TCP1: variants seen among roughly 807,000 people sequenced by gnomAD.
TCP1 encodes T-complex protein 1 subunit alpha.
TCP1 carries 6 observed loss-of-function variants against 54.7 expected under a neutral mutation model. That is an observed-to-expected ratio of 0.11 (90% CI 0.06 to 0.22). TCP1 has a LOEUF of 0.22. Ranked by LOEUF, TCP1 falls within the 10% of genes least tolerant of loss-of-function variation. The probability of loss-of-function intolerance (pLI) is 1.00; values close to 1 mark genes in which losing one functional copy is unlikely to be tolerated. For synonymous variants in TCP1, 225 were observed against 229.7 expected (o/e 0.98, Z 0.19); for missense variants, 511 against 678.2 (o/e 0.75, Z 2.74).
chr6:159,778,610 A>G lies in TCP1; in HGVS notation c.*435T>C. The G allele has an allele frequency of 6.3e-7, 1 of 1,585,912 alleles. No individual in the cohort carries two copies. The highest frequency in any genetic ancestry group is 1.1e-5 in the South Asian group (1 of 88,950). On this transcript the variant is annotated 3_prime_UTR_variant, in exon 12 of 12. Coordinates refer to ENST00000321394, the MANE Select transcript of TCP1 (RefSeq NM_030752.3). ...GAAAAAGACAAGTTTAAGATTTTAA[A>G]CTGTGTCCACAGAAGAATAAACAAT...
At chr6:159,788,618 T>C (rs62621403) in intron 1 of TCP1, 4,139 of 156,658 alleles carry the variant, frequency 0.026, 139 homozygotes, top group Middle Eastern at 0.078. Context: ...ACCAATTTCA[T>C]GCTCTGCCAC....
intron 6 of TCP1, among the ~76,000 whole-genome samples, chr6:159,784,300 ATTT>A (rs1272590045): frequency 1.4e-5 from 2 of 147,120 alleles, no homozygotes; most frequent in Admixed American, 6.8e-5. Context: ...ACAAAAAAAC[ATTT>A]TTTATTTTTT....
chr6:159,780,364 C>G lies in TCP1; in HGVS notation c.1097+79G>C, dbSNP rs775018172. The G allele has an allele frequency of 3.1e-5, 49 of 1,599,898 alleles. No homozygotes were observed. The East Asian group carries it at 3.3e-4, about 11-fold the overall frequency. On this transcript the variant is annotated intron_variant, in intron 9 of 11. Coordinates refer to ENST00000321394, the MANE Select transcript of TCP1 (RefSeq NM_030752.3). The stretch of plus-strand genomic sequence containing the variant: ...GCTCGTATCACTGTGAGACTACAAG[C>G]AGCAAATAAATGGGAAGAAAACCTA...
chr6:159,789,361 C>CGG (rs1780792188), intron 1 of TCP1, 44 bp downstream of exon 1: 5 of 1,610,146 alleles, frequency 3.1e-6, no homozygotes, highest in Non-Finnish European at 3.4e-6. Context: ...TGGGACTCGG[C>CGG]CCTCCCCGGC....
Position 159,780,410 on chromosome 6 carries a change from T to C in TCP1, c.1097+33A>G, listed in dbSNP as rs1378924405. ...ACCTACTTTTACTTAACAAAATCGG[T>C]ATAACTTTACAATTTTAGAAAGTGG... On this transcript the variant is annotated intron_variant, in intron 9 of 11. Transcript: ENST00000321394. 4.3e-6 allele frequency: 7 copies of C among 1,610,954 alleles called. No homozygotes were observed. In the East Asian group the frequency reaches 1.3e-4, roughly 31 times the overall value.
At chr6:159,785,121 T>G (rs1020729892) in intron 5 of TCP1, 1 of 601,138 alleles carries the variant, frequency 1.7e-6, no homozygotes, top group African/African-American at 1.9e-5. Context: ...TCAATTTGCA[T>G]AAAATTGGTT....
At chr6:159,785,822 T>TA (rs1780684071) in intron 4 of TCP1, 78 bp downstream of exon 4, 1 of 1,118,902 alleles carries the variant, frequency 8.9e-7, no homozygotes, top group Non-Finnish European at 1.3e-6. Flanking sequence ...AAAATTTAGT[T>TA]ATTAATCAAA....
In TCP1 at chr6:159,784,024, G is replaced by A. The variant is rs771068457; in HGVS notation, c.714C>T (p.Asp238=). ...TCATTTTTGTTTTTTGCAGGCTGAA[G>A]TCAAGGCAAGCAATTTTTGCATTTA... ...RIVNAKIACL[D]FSLQKTKMKL... is the part of the protein sequence containing the mutation. Residue 238 remains aspartate (D), a synonymous_variant, in exon 7 of 12, where the codon GAC becomes GAT. Transcript: ENST00000321394. The A allele has an allele frequency of 3.7e-6, 6 of 1,613,612 alleles. No individual in the cohort carries two copies. The Middle Eastern group carries it at 6.8e-4, about 182-fold the overall frequency.
At chr6:159,789,359 G>C (rs374704232) in intron 1 of TCP1, 46 bp downstream of exon 1, 5 of 1,609,128 alleles carry the variant, frequency 3.1e-6, no homozygotes, top group Non-Finnish European at 3.4e-6. Context: ...GGTGGGACTC[G>C]GCCCTCCCCG....
intron 6 of TCP1, among the ~76,000 whole-genome samples, chr6:159,784,279 G>C (rs532347307): frequency 1.3e-5 from 2 of 151,796 alleles, no homozygotes; most frequent in Non-Finnish European, 2.9e-5. Context: ...AAGATGTACT[G>C]CACATAATCC....
At chr6:159,789,128 C>T (rs1022136795) in intron 1 of TCP1, 22 of 466,170 alleles carry the variant, frequency 4.7e-5, no homozygotes, top group African/African-American at 8.3e-5. Flanking sequence ...CCCGCTTTCC[C>T]GCGGAGGGCG....
chr6:159,785,293 T>C, intron 5 of TCP1, 93 bp downstream of exon 5: 1 of 947,654 alleles, frequency 1.1e-6, no homozygotes, highest in South Asian at 1.4e-5. Context: ...TCAGCCTCCT[T>C]AGTAGCTGGG....
chr6:159,780,880 T>C, intron 8 of TCP1, 55 bp downstream of exon 8: 1 of 1,517,490 alleles, frequency 6.6e-7, no homozygotes, highest in Non-Finnish European at 8.8e-7. Context: ...AAAAGACCTT[T>C]GATAGGATCA....
intron 7 of TCP1, among the ~76,000 whole-genome samples, chr6:159,782,393 G>T (rs1476676229): frequency 6.6e-6 from 1 of 152,098 alleles, no homozygotes; most frequent in African/African-American, 2.4e-5. Flanking sequence ...AATACAGGAA[G>T]TTACAACAGA....
chr6:159,785,838 A>G, intron 4 of TCP1, 62 bp downstream of exon 4: 1 of 1,278,952 alleles, frequency 7.8e-7, no homozygotes, highest in South Asian at 1.2e-5. Context: ...TCAAAACGTT[A>G]AGACAACACA....
Position 159,779,622 on chromosome 6 carries a change from C to A in TCP1, c.1454+5G>T. The A allele has an allele frequency of 6.3e-7, 1 of 1,596,294 alleles. No homozygotes were observed. Among genetic ancestry groups the A allele is most frequent in the Non-Finnish European group, 8.5e-7 (1 of 1,174,826 alleles). On this transcript the variant is annotated splice_donor_5th_base_variant and intron_variant, in intron 11 of 11. Transcript: ENST00000321394. The stretch of plus-strand genomic sequence containing the variant: ...GGTTAACAAAGAGCGGGAAACCATG[C>A]TTACCATTTTAGATTTTTACGTTCT...
At chr6:159,783,663 CT>C (rs537007491) in intron 7 of TCP1, among the ~76,000 whole-genome samples, 1 of 152,176 alleles carries the variant, frequency 6.6e-6, no homozygotes, top group South Asian at 2.1e-4. Flanking sequence ...CCTCCAGTAT[CT>C]AGCAAACAGT....
intron 1 of TCP1, chr6:159,789,100 A>T: frequency 2.3e-6 from 1 of 426,622 alleles, no homozygotes; most frequent in Non-Finnish European, 4.2e-6. Context: ...CGTGGCCCGC[A>T]CGTGCGAGCC....
Position 159,781,238 on chromosome 6 carries a change from TTTAAA to T in TCP1, c.798-133_798-129del. ...TATCCTTTGTTATCTCTGACCAGAATTTAAATTAGTCCAATTCATGGAAAATTTGA... is the reference window on the plus strand; with the variant it reads ...TATCCTTTGTTATCTCTGACCAGAATTTAGTCCAATTCATGGAAAATTTGA... On this transcript the variant is annotated intron_variant, in intron 7 of 11. Coordinates refer to ENST00000321394, the MANE Select transcript of TCP1 (RefSeq NM_030752.3). 4 of 867,930 alleles carry T rather than the reference TTTAAA, an allele frequency of 4.6e-6. No homozygotes were observed. In the South Asian group the frequency reaches 7.6e-5, roughly 16 times the overall value. The allele number at this position is 867,930 out of a possible 1,614,324, so 53.8% of individuals were successfully genotyped here.
Sources: gnomAD v4.1 joint callset for allele counts (sites outside exome capture counted in the v4.1 genomes callset) on GRCh38, gnomAD v4.1.1 for gene constraint, MANE v1.5 for transcripts, NCBI Gene and HGNC (gene_info 2026-07-23, HGNC 2026-07-21) for gene names.